Variants in DAB1 observed in about 807,000 individuals in gnomAD.
The protein encoded by DAB1 is DAB adaptor protein 1, also known as disabled homolog 1.
In DAB1, 15 loss-of-function variants were observed where a neutral mutation model predicts 64.6. The ratio of observed to expected loss-of-function variants is 0.23; its 90% CI spans 0.16 to 0.36. The LOEUF (loss-of-function observed/expected upper bound fraction) is 0.36. Ranked by LOEUF, DAB1 falls within the 10% of genes least tolerant of loss-of-function variation. The pLI is 1.00. For synonymous variants in DAB1, 235 were observed against 251.9 expected, an observed-to-expected ratio of 0.93 and a Z score of 0.64; for missense variants, 596 against 706.7, an observed-to-expected ratio of 0.84 and a Z score of 1.78.
At chr1:57,163,857 C>T (rs998947446) in intron 2 of DAB1, among the ~76,000 whole-genome samples, 3 of 152,126 alleles carry the variant, frequency 2.0e-5, no homozygotes, top group African/African-American at 7.2e-5. Flanking sequence ...CTTCCTAATA[C>T]AAAGGCATCA....
downstream of DAB1, among the ~76,000 whole-genome samples, chr1:57,822,983 A>ATT (rs71246208): frequency 8.0e-3 from 1,050 of 131,264 alleles, 20 homozygotes; most frequent in Middle Eastern, 0.013. Context: ...TAATTTAGGA[A>ATT]TTTTTTTTTT....
chr1:57,971,577 G>T (rs1185759759), intron 5 of DAB1, among the ~76,000 whole-genome samples: 1 of 152,192 alleles, frequency 6.6e-6, no homozygotes, highest in East Asian at 1.9e-4. Context: ...TGTAAGACAG[G>T]AATGATATTA....
chr1:57,702,603 T>C (rs929577618), intron 6 of DAB1, among the ~76,000 whole-genome samples: 1 of 152,186 alleles, frequency 6.6e-6, no homozygotes, highest in Admixed American at 6.6e-5. Flanking sequence ...TATTTTTCAA[T>C]AGTCTGAGCT....
In DAB1 at chr1:58,376,550, G is replaced by C. The variant is rs895026898; in HGVS notation, n.258-33147C>G. On this transcript the variant is annotated intron_variant and non_coding_transcript_variant, in intron 3 of 20. Transcript: ENST00000485760. ...TGCACTGTGGTCTGAGAGATAGTTT[G>C]TTATAATTTCTGTTCGTTTACATTT... is the stretch of plus-strand genomic sequence containing the variant. Among the ~76,000 whole-genome samples the C allele has an allele frequency of 4.8e-5, 7 of 146,718 alleles. 1 individual carries two copies. The highest frequency in any genetic ancestry group is 9.1e-5 in the Non-Finnish European group (6 of 66,044).
intron 7 of DAB1, among the ~76,000 whole-genome samples, chr1:57,620,294 T>C (rs1645840708): frequency 6.6e-6 from 1 of 152,116 alleles, no homozygotes; most frequent in South Asian, 2.1e-4. Flanking sequence ...TCCTAACCTA[T>C]TCTCTTACAT....
At chr1:58,532,204 A>G (rs1439956162) in intron 1 of DAB1, among the ~76,000 whole-genome samples, 1 of 152,332 alleles carries the variant, frequency 6.6e-6, no homozygotes, top group East Asian at 1.9e-4. Context: ...AGACTCCCAA[A>G]AGAGAAAATA....
intron 7 of DAB1, among the ~76,000 whole-genome samples, chr1:57,478,024 G>T (rs1434003323): frequency 6.6e-6 from 1 of 151,648 alleles, no homozygotes; most frequent in Non-Finnish European, 1.5e-5. Flanking sequence ...TTTACATTAG[G>T]TATCTCTCCT....
At chr1:57,970,633 G>A (rs2100305878) in intron 5 of DAB1, among the ~76,000 whole-genome samples, 1 of 152,260 alleles carries the variant, frequency 6.6e-6, no homozygotes, top group East Asian at 1.9e-4. Flanking sequence ...TAATCAACAT[G>A]AATAAGAAAT....
chr1:58,116,784 A>C (rs1443156389), intron 5 of DAB1, among the ~76,000 whole-genome samples: 1 of 152,252 alleles, frequency 6.6e-6, no homozygotes, highest in Non-Finnish European at 1.5e-5. Flanking sequence ...AAAAAGAATA[A>C]GGTAACAGCT....
Position 58,219,646 on chromosome 1 carries a change from G to A in DAB1, n.310-69058C>T, listed in dbSNP as rs191823419. Among the ~76,000 whole-genome samples the A allele has an allele frequency of 4.6e-4, 70 of 152,152 alleles. 1 individual carries two copies. Among genetic ancestry groups the A allele is most frequent in the Middle Eastern group, 3.4e-3 (1 of 294 alleles). The stretch of plus-strand genomic sequence containing the variant: ...CTTAGTCAATTTCTACTTCTCTTCC[G>A]CAGCTCACTAAGATGGGTGCTCCAC... On this transcript the variant is annotated intron_variant and non_coding_transcript_variant, in intron 4 of 20. Transcript: ENST00000485760.
intron 5 of DAB1, among the ~76,000 whole-genome samples, chr1:58,049,547 C>T (rs2182144): frequency 0.22 from 33,660 of 151,922 alleles, 3,862 homozygotes; most frequent in Admixed American, 0.24. Context: ...AGGTTGTGAC[C>T]TGCTGGTAAG....
chr1:58,126,461 T>C (rs1274409782), intron 5 of DAB1, among the ~76,000 whole-genome samples: 1 of 97,582 alleles, frequency 1.0e-5, no homozygotes, highest in Non-Finnish European at 2.2e-5. Context: ...TTTTCTTTTT[T>C]TTTTTTTATT....
At chr1:57,962,185 T>A in intron 5 of DAB1, among the ~76,000 whole-genome samples, 1 of 152,146 alleles carries the variant, frequency 6.6e-6, no homozygotes, top group East Asian at 1.9e-4. Context: ...GACTTGCTCA[T>A]CTTTAAGTGG....
At chr1:57,860,602 G>A (rs1653967578) in intron 1 of DAB1, 1 of 152,248 alleles carries the variant, frequency 6.6e-6, no homozygotes, top group Admixed American at 6.5e-5. Context: ...CTGGTAATCA[G>A]GATGGCAGTG....
At chr1:58,140,813 GTAAA>G (rs1215062977) in intron 5 of DAB1, among the ~76,000 whole-genome samples, 2 of 152,276 alleles carry the variant, frequency 1.3e-5, no homozygotes, top group Middle Eastern at 3.4e-3. Context: ...GAGTAAATAA[GTAAA>G]TAGATAGTTC....
At chr1:58,277,037 C>CTTTTTTTT (rs869207396) in intron 4 of DAB1, among the ~76,000 whole-genome samples, 2 of 79,648 alleles carry the variant, frequency 2.5e-5, no homozygotes, top group Non-Finnish European at 2.3e-5. Flanking sequence ...CTTTTTTTTT[C>CTTTTTTTT]TTTTTTTTTT....
chr1:57,470,894 G>A (rs1189940471), intron 7 of DAB1, among the ~76,000 whole-genome samples: 1 of 152,164 alleles, frequency 6.6e-6, no homozygotes, highest in Non-Finnish European at 1.5e-5. Context: ...ACAGGAAATG[G>A]AATTGAATAC....
chr1:57,085,436 G>T (rs567592323), intron 4 of DAB1, among the ~76,000 whole-genome samples: 4 of 152,150 alleles, frequency 2.6e-5, no homozygotes, highest in Admixed American at 6.5e-5. Flanking sequence ...AATACTGCCC[G>T]CTACTGGCCC....
intron 3 of DAB1, among the ~76,000 whole-genome samples, chr1:58,487,691 A>C (rs966474240): frequency 2.0e-5 from 3 of 152,112 alleles, no homozygotes; most frequent in Non-Finnish European, 2.9e-5. Flanking sequence ...TTCTAAAGTA[A>C]TTTAGTAATT....
Sources: gnomAD v4.1 joint callset for allele counts (sites outside exome capture counted in the v4.1 genomes callset) on GRCh38, gnomAD v4.1.1 for gene constraint, MANE v1.5 for transcripts, NCBI Gene and HGNC (gene_info 2026-07-23, HGNC 2026-07-21) for gene names.